Variants in USP13 observed in about 807,000 individuals in gnomAD.
USP13 encodes the protein ubiquitin carboxyl-terminal hydrolase 13.
A neutral mutation model predicts 107.8 loss-of-function variants in USP13; 68 were observed. That is an observed-to-expected ratio of 0.63 (90% CI 0.52 to 0.77). The LOEUF (loss-of-function observed/expected upper bound fraction) is 0.77. USP13 is among the 30% of genes least tolerant of loss of function. The pLI is 0.00. For missense variants in USP13, 945 were observed against 1,093.3 expected (o/e 0.86, Z 1.91); for synonymous variants, 377 against 389.5 (o/e 0.97, Z 0.38).
intron 19 of USP13, among the ~76,000 whole-genome samples, chr3:179,769,791 G>T (rs143260649): frequency 4.1e-4 from 62 of 152,252 alleles, no homozygotes; most frequent in African/African-American, 1.4e-3. Flanking sequence ...GGGAATAAAA[G>T]CTTGTTCAGC....
intron 1 of USP13, among the ~76,000 whole-genome samples, chr3:179,671,135 C>A (rs1007956265): frequency 9.9e-5 from 15 of 152,052 alleles, no homozygotes; most frequent in African/African-American, 3.6e-4. Context: ...CACCAGTAAT[C>A]CCAGCTACTT....
At chr3:179,707,545 T>C (rs2284886) in intron 5 of USP13, among the ~76,000 whole-genome samples, 55,843 of 152,054 alleles carry the variant, frequency 0.37, 12,463 homozygotes, top group Non-Finnish European at 0.48. Context: ...ATTTGCTCAC[T>C]GACATATCCT....
intron 19 of USP13, among the ~76,000 whole-genome samples, chr3:179,774,964 A>G (rs1369231647): frequency 2.0e-5 from 3 of 152,106 alleles, no homozygotes; most frequent in Non-Finnish European, 4.4e-5. Flanking sequence ...GATTAACTAG[A>G]CACAGAGCAC....
chr3:179,782,097 C>T (rs148049155), intron 20 of USP13, among the ~76,000 whole-genome samples: 1,583 of 152,196 alleles, frequency 0.01, 20 homozygotes, highest in Middle Eastern at 0.02. Context: ...AAAGATGCAT[C>T]CTGCAGCAGA....
intron 10 of USP13, among the ~76,000 whole-genome samples, chr3:179,732,918 G>A (rs954722725): frequency 6.6e-6 from 1 of 152,168 alleles, no homozygotes; most frequent in African/African-American, 2.4e-5. Context: ...CTGGATCAAG[G>A]TATGTGACCT....
At position 179,653,478 on chromosome 3, in the gene USP13, G is replaced by C. The variant is rs1037326884; in HGVS notation, c.168+85G>C. 4 of 1,490,390 alleles carry C rather than the reference G, an allele frequency of 2.7e-6. No homozygotes were observed. The highest frequency in any genetic ancestry group is 1.4e-5 in the African/African-American group (1 of 70,726). 92.3% of individuals were successfully genotyped at this position (1,490,390 alleles called of 1,614,324 possible). A position where few individuals can be genotyped will look rare whatever the true frequency, so the allele number is the denominator to read the frequency against. ...GGGGAGAAGATGCGCAGTGGCGGCC[G>C]GGACCTCTTCTCTTCCTCCGGGCGG... is the stretch of plus-strand genomic sequence containing the variant. On this transcript the variant is annotated intron_variant, in intron 1 of 20. Transcript: ENST00000263966. This position sits in a 1 kb window ranked among gnomAD's most constrained non-coding sequence, Gnocchi z 4.0.
chr3:179,721,581 C>A lies in USP13; in HGVS notation c.1080C>A (p.Phe360Leu). The A allele has an allele frequency of 6.2e-7, 1 of 1,613,242 alleles. No individual in the cohort carries two copies. The highest frequency in any genetic ancestry group is 8.5e-7 in the Non-Finnish European group (1 of 1,179,952). ...VMQAIFSIPEFQRAYVGNLPR... is the reference protein window; with the variant it reads ...VMQAIFSIPELQRAYVGNLPR... ...AGGCCATCTTCAGCATCCCAGAATT[C>A]CAGAGAGCGTAAGTGCCTTCCATGC... The change falls in exon 8 of 21, where the codon TTC becomes TTA. Residue 360 changes from phenylalanine to leucine, a missense_variant. Physicochemically the swap from Phe to Leu is conservative, Grantham distance 22. Coordinates refer to ENST00000263966, the MANE Select transcript of USP13 (RefSeq NM_003940.3). This position sits in a 1 kb window ranked among gnomAD's most constrained non-coding sequence, Gnocchi z 4.3.
chr3:179,730,123 A>C, intron 8 of USP13, 66 bp from the exon 9 acceptor site: 1 of 1,458,300 alleles, frequency 6.9e-7, no homozygotes, highest in Admixed American at 1.9e-5. Flanking sequence ...AAGAATTTTG[A>C]TGGCTTGTTT....
rs147290388 is a variant in USP13, at chr3:179,735,941, G to A, written c.1255-4306G>A. ...TGTAGTCCCAGATACTTGGGAGGCT[G>A]AGGTGGGAGGATCACTTGTGCCCAA... On this transcript the variant is annotated intron_variant, in intron 10 of 20. Transcript: ENST00000263966. Among the ~76,000 whole-genome samples the A allele has an allele frequency of 3.8e-3, 583 of 152,288 alleles. 7 individuals carry two copies. Among genetic ancestry groups the A allele is most frequent in the South Asian group, 0.018 (85 of 4,826 alleles).
chr3:179,719,892 A>G, intron 6 of USP13, 48 bp from the exon 7 acceptor site: 1 of 1,517,702 alleles, frequency 6.6e-7, no homozygotes, highest in Non-Finnish European at 9.1e-7. Context: ...TTGGATATTC[A>G]GTGACTTGAT....
intron 1 of USP13, among the ~76,000 whole-genome samples, chr3:179,675,171 T>C (rs1720859353): frequency 1.3e-5 from 2 of 149,364 alleles, no homozygotes; most frequent in African/African-American, 4.9e-5. Context: ...TGACACTCCA[T>C]CTCAAAAAAA....
intron 16 of USP13, among the ~76,000 whole-genome samples, chr3:179,759,485 T>C (rs539032128): frequency 6.6e-6 from 1 of 152,326 alleles, no homozygotes; most frequent in Non-Finnish European, 1.5e-5. Flanking sequence ...AAGGAGAGGA[T>C]AGACTATGTA....
chr3:179,666,421 C>T (rs534211887), intron 1 of USP13, among the ~76,000 whole-genome samples: 20 of 152,274 alleles, frequency 1.3e-4, no homozygotes, highest in African/African-American at 2.9e-4. Context: ...TTTCTAGGTC[C>T]CCAGTTTCAT....
chr3:179,784,250 G>T lies in USP13; in HGVS notation c.*109G>T. ...AACTAGACATGAAGGAATATATGGG[G>T]TATTTATCGTTTATTTAAAGAGCAC... On this transcript the variant is annotated 3_prime_UTR_variant, in exon 21 of 21. Transcript: ENST00000263966. 1 of 804,288 alleles carries T rather than the reference G, an allele frequency of 1.2e-6. No homozygotes were observed. Among genetic ancestry groups the T allele is most frequent in the South Asian group, 1.8e-5 (1 of 54,956 alleles). 49.8% of individuals were successfully genotyped at this position (804,288 alleles called of 1,614,324 possible).
intron 19 of USP13, among the ~76,000 whole-genome samples, chr3:179,778,770 G>GA (rs138909432): frequency 3.5e-3 from 466 of 133,378 alleles, no homozygotes; most frequent in African/African-American, 4.0e-3. Context: ...CCGTCTCAAA[G>GA]AAAAAAAAAA....
intron 13 of USP13, among the ~76,000 whole-genome samples, chr3:179,747,470 G>A (rs560386004): frequency 5.3e-5 from 8 of 152,116 alleles, no homozygotes; most frequent in Non-Finnish European, 1.2e-4. Flanking sequence ...CTGGCCCTCG[G>A]CCACCCCTTT....
intron 1 of USP13, among the ~76,000 whole-genome samples, chr3:179,660,269 C>T (rs1169160941): frequency 6.6e-6 from 1 of 152,194 alleles, no homozygotes; most frequent in Admixed American, 6.5e-5. Context: ...ATCCATTTGA[C>T]AATAAACCCC....
intron 1 of USP13, among the ~76,000 whole-genome samples, chr3:179,658,246 A>G (rs1336586721): frequency 2.6e-5 from 4 of 152,010 alleles, no homozygotes; most frequent in East Asian, 1.9e-4. Context: ...GAGCCACTGC[A>G]CCTGGCCAAC....
rs1269242326 is a variant in USP13, at chr3:179,787,395, T to G, written c.*3254T>G. 1 of 152,250 alleles carries G rather than the reference T, an allele frequency of 6.6e-6. No homozygotes were observed. The highest frequency in any genetic ancestry group is 1.5e-5 in the Non-Finnish European group (1 of 68,046). The allele number at this position is 152,250 out of a possible 1,614,324, so 9.4% of individuals were successfully genotyped here. A position where few individuals can be genotyped will look rare whatever the true frequency, so the allele number is the denominator to read the frequency against. ...ACTAGATTAGCTCCAAAGTCCTCTC[T>G]TGCCCTAACATTTTATTTTTATTTT... On this transcript the variant is annotated 3_prime_UTR_variant, in exon 21 of 21. Transcript: ENST00000263966.
Sources: gnomAD v4.1 joint callset for allele counts (sites outside exome capture counted in the v4.1 genomes callset) on GRCh38, gnomAD v4.1.1 for gene constraint, Gnocchi (gnomAD v3.1) non-coding constraint, MANE v1.5 for transcripts, NCBI Gene and HGNC (gene_info 2026-07-23, HGNC 2026-07-21) for gene names.